Variants in TDG observed in about 807,000 individuals in gnomAD.
TDG encodes G/T mismatch-specific thymine DNA glycosylase.
Under a neutral mutation model 46.1 loss-of-function variants are expected in TDG, and 23 were observed. The observed-to-expected ratio is 0.50, with a 90% confidence interval of 0.36 to 0.71. The LOEUF (loss-of-function observed/expected upper bound fraction) is 0.71, where lower values mean the gene tolerates loss of function less well. Ranked by LOEUF, TDG falls within the 30% of genes least tolerant of loss-of-function variation. TDG has a pLI of 0.00. For missense variants in TDG, 304 were observed against 486.7 expected, an observed-to-expected ratio of 0.62 and a Z score of 3.53; for synonymous variants, 115 against 161.3, an observed-to-expected ratio of 0.71 and a Z score of 2.18.
intron 1 of TDG, among the ~76,000 whole-genome samples, chr12:103,970,758 A>G (rs1374711462): frequency 7.0e-6 from 1 of 143,562 alleles, no homozygotes; most frequent in African/African-American, 2.6e-5. Flanking sequence ...TAAAAAAAAA[A>G]TAATTAAAAA....
intron 1 of TDG, among the ~76,000 whole-genome samples, chr12:103,968,467 T>C (rs918337764): frequency 6.6e-6 from 1 of 152,194 alleles, no homozygotes; most frequent in Non-Finnish European, 1.5e-5. Flanking sequence ...TCTACTGGCA[T>C]GGTGGCAGCA....
At chr12:103,976,296 T>C (rs563894429) in intron 1 of TDG, among the ~76,000 whole-genome samples, 2 of 151,946 alleles carry the variant, frequency 1.3e-5, no homozygotes, top group East Asian at 3.9e-4. Flanking sequence ...TCCCAGCTAC[T>C]TGGGAGGCTG....
Position 103,987,115 on chromosome 12 carries a change from A to C in TDG, c.*25A>C, listed in dbSNP as rs774781814. ...AGAATGGTGCTTCTCAGCTCTGCTT[A>C]AATGCTGCAGTTTTAATGCAGTTGT... On this transcript the variant is annotated 3_prime_UTR_variant, in exon 10 of 10. Coordinates refer to ENST00000392872, the MANE Select transcript of TDG (RefSeq NM_003211.6). The C allele has an allele frequency of 3.1e-6, 5 of 1,608,026 alleles. No homozygotes were observed. The South Asian group carries it at 5.5e-5, about 18-fold the overall frequency.
intron 3 of TDG, 55 bp from the exon 4 acceptor site, chr12:103,980,838 C>G (rs1871785621): frequency 6.5e-7 from 1 of 1,543,172 alleles, no homozygotes; most frequent in Non-Finnish European, 8.8e-7. Flanking sequence ...CATAGAAACG[C>G]TAAGGCTTAG....
chr12:103,969,587 T>C (rs892112496), intron 1 of TDG, among the ~76,000 whole-genome samples: 1 of 152,128 alleles, frequency 6.6e-6, no homozygotes, highest in African/African-American at 2.4e-5. Flanking sequence ...TTAATCAGAG[T>C]CCAGATAAAT....
intron 6 of TDG, 24 bp from the exon 7 acceptor site, chr12:103,983,270 TA>T: frequency 6.4e-7 from 1 of 1,571,190 alleles, no homozygotes; most frequent in Non-Finnish European, 8.6e-7. Context: ...ATGGGCAATG[TA>T]AATATGTTTG....
In TDG at chr12:103,987,513, G is replaced by A. The variant is rs1872230703; in HGVS notation, c.*423G>A. 1 of 146,102 alleles carries A rather than the reference G, an allele frequency of 6.8e-6. No homozygotes were observed. The allele number at this position is 146,102 out of a possible 1,614,324, so 9.1% of individuals were successfully genotyped here. ...CCACTGTCAAAGAGGCAAAGGTGTT[G>A]ATTTTTGTATATGAAGTTAAGCCTC... On this transcript the variant is annotated 3_prime_UTR_variant, in exon 10 of 10. Transcript: ENST00000392872.
At chr12:103,986,690 GT>G (rs1872170347) in intron 9 of TDG, 1 of 303,794 alleles carries the variant, frequency 3.3e-6, no homozygotes, top group Non-Finnish European at 6.4e-6. Context: ...TCCAGCCTGG[GT>G]GACAGAATGA....
intron 4 of TDG, among the ~76,000 whole-genome samples, chr12:103,981,839 A>G (rs1871851236): frequency 6.6e-6 from 1 of 152,006 alleles, no homozygotes; most frequent in Non-Finnish European, 1.5e-5. Flanking sequence ...CCAAGATCTC[A>G]TTTCTACAAA....
intron 3 of TDG, 192 bp downstream of exon 3, chr12:103,980,264 T>C (rs1871759931): frequency 2.9e-6 from 2 of 681,230 alleles, no homozygotes; most frequent in Non-Finnish European, 4.7e-6. Context: ...ATTTAGACTG[T>C]CTGGGTTCAA....
Position 103,984,934 on chromosome 12 carries a change from C to A in TDG, c.964+14C>A. ...AGCTTGCCCAAGGTATGTTACTGTC[C>A]TCATTCCTTTTATTCATTTTGTGTG... On this transcript the variant is annotated intron_variant, in intron 8 of 9. Transcript: ENST00000392872. 7.5e-7 allele frequency: 1 copy of A among 1,325,166 alleles called. No individual in the cohort carries two copies. Among genetic ancestry groups the A allele is most frequent in the Non-Finnish European group, 1.0e-6 (1 of 992,268 alleles). The allele number at this position is 1,325,166 out of a possible 1,614,324, so 82.1% of individuals were successfully genotyped here.
chr12:103,980,837 G>A (rs547960092), intron 3 of TDG, 56 bp from the exon 4 acceptor site: 15 of 1,533,846 alleles, frequency 9.8e-6, no homozygotes, highest in South Asian at 7.1e-5. Context: ...CCATAGAAAC[G>A]CTAAGGCTTA....
intron 1 of TDG, among the ~76,000 whole-genome samples, chr12:103,971,504 C>T (rs1475387489): frequency 6.6e-6 from 1 of 151,912 alleles, no homozygotes; most frequent in Non-Finnish European, 1.5e-5. Context: ...TGCAGTGAGC[C>T]GAGATCATGC....
intron 1 of TDG, chr12:103,967,785 T>C (rs1449544917): frequency 2.0e-5 from 3 of 151,454 alleles, no homozygotes; most frequent in Admixed American, 1.3e-4. Flanking sequence ...ATTTCAGATA[T>C]TCAAAGAAGA....
intron 1 of TDG, among the ~76,000 whole-genome samples, chr12:103,973,693 T>C (rs1871380552): frequency 1.3e-5 from 2 of 152,250 alleles, no homozygotes; most frequent in South Asian, 2.1e-4. Context: ...GACATTTTAC[T>C]TTGTGCCAGG....
intron 2 of TDG, among the ~76,000 whole-genome samples, chr12:103,979,590 T>C (rs4135092): frequency 0.16 from 23,921 of 152,116 alleles, 2,280 homozygotes; most frequent in East Asian, 0.45. Flanking sequence ...AATAATAGTC[T>C]ATGATTATTC....
intron 8 of TDG, 121 bp downstream of exon 8, chr12:103,985,041 A>G (rs1220307430): frequency 1.0e-5 from 7 of 673,414 alleles, no homozygotes; most frequent in Non-Finnish European, 1.5e-5. Context: ...GTGCACATAT[A>G]TGCACACGTG....
intron 1 of TDG, among the ~76,000 whole-genome samples, chr12:103,974,184 CT>C (rs201727177): frequency 6.1e-5 from 9 of 148,508 alleles, no homozygotes; most frequent in Middle Eastern, 3.5e-3. Context: ...TTTAGTTTGC[CT>C]TTTTTTTTTC....
intron 7 of TDG, 140 bp from the exon 8 acceptor site, chr12:103,984,609 A>T: frequency 3.4e-6 from 2 of 582,104 alleles, no homozygotes; most frequent in East Asian, 5.1e-5. Context: ...AAAAGCAACT[A>T]CTTTTATTGA....
Sources: gnomAD v4.1 joint callset for allele counts (sites outside exome capture counted in the v4.1 genomes callset) on GRCh38, gnomAD v4.1.1 for gene constraint, MANE v1.5 for transcripts, NCBI Gene and HGNC (gene_info 2026-07-23, HGNC 2026-07-21) for gene names.